Variants in ARHGAP24 observed in about 807,000 individuals in gnomAD.
ARHGAP24 encodes Rho GTPase activating protein 24.
In ARHGAP24, 50 loss-of-function variants were observed where a neutral mutation model predicts 76.4. That is an observed-to-expected ratio of 0.65 (90% CI 0.52 to 0.83). ARHGAP24 has a LOEUF of 0.83. ARHGAP24 is among the 40% of genes least tolerant of loss of function. The pLI is 0.00. For synonymous variants in ARHGAP24, 345 were observed against 323.3 expected (o/e 1.07, Z -0.72); for missense variants, 930 against 914.2 (o/e 1.02, Z -0.22).
intron 1 of ARHGAP24, among the ~76,000 whole-genome samples, chr4:85,526,249 A>T (rs1437577519): frequency 1.3e-5 from 2 of 151,904 alleles, no homozygotes; most frequent in South Asian, 4.1e-4. Flanking sequence ...GTCTCTATAA[A>T]AATTAGCTGG....
chr4:85,710,968 C>G (rs1355589479), intron 2 of ARHGAP24, among the ~76,000 whole-genome samples: 1 of 152,054 alleles, frequency 6.6e-6, no homozygotes, highest in Non-Finnish European at 1.5e-5. Context: ...CATCGAAGCA[C>G]TACTCACAAT....
chr4:85,884,717 T>C (rs1381104735), intron 3 of ARHGAP24, among the ~76,000 whole-genome samples: 1 of 152,184 alleles, frequency 6.6e-6, no homozygotes, highest in African/African-American at 2.4e-5. Flanking sequence ...TTCTAGAAAA[T>C]ATGGAAGGTA....
intron 3 of ARHGAP24, among the ~76,000 whole-genome samples, chr4:85,913,501 T>C (rs1735200296): frequency 6.6e-6 from 1 of 152,078 alleles, no homozygotes; most frequent in Non-Finnish European, 1.5e-5. Context: ...TTCTTCACCA[T>C]AGCTACAGTA....
intron 3 of ARHGAP24, among the ~76,000 whole-genome samples, chr4:85,774,494 AGGCTATCTGCTGTT>A (rs1727237652): frequency 6.6e-6 from 1 of 152,228 alleles, no homozygotes; most frequent in Non-Finnish European, 1.5e-5. Flanking sequence ...AATTAGCTCT[AGGCTATCTGCTGTT>A]TCAATAAGAA....
chr4:85,586,933 A>G (rs1727886897), intron 2 of ARHGAP24, among the ~76,000 whole-genome samples: 2 of 152,276 alleles, frequency 1.3e-5, no homozygotes, highest in South Asian at 4.1e-4. Context: ...AATAAAGTTG[A>G]AAATTGCTTA....
intron 3 of ARHGAP24, among the ~76,000 whole-genome samples, chr4:85,761,811 C>T (rs1247715003): frequency 2.0e-5 from 3 of 152,164 alleles, no homozygotes; most frequent in African/African-American, 7.2e-5. Context: ...CAGGTTACTA[C>T]AAACGCTTTA....
chr4:85,788,503 G>A lies in ARHGAP24; in HGVS notation c.268+66531G>A, dbSNP rs1487463296. On this transcript the variant is annotated intron_variant, in intron 3 of 9. Transcript: ENST00000395184. ...GGGATTTCAAAGCTTGAAATACGAA[G>A]TGTAGGATTTGACCTGGTTAGGTCT... 2.0e-5 allele frequency among the ~76,000 whole-genome samples: 3 copies of A among 152,302 alleles called. No homozygotes were observed. The East Asian group carries it at 5.8e-4, about 29-fold the overall frequency.
At chr4:85,657,992 T>G (rs955591094) in intron 2 of ARHGAP24, among the ~76,000 whole-genome samples, 3 of 152,192 alleles carry the variant, frequency 2.0e-5, no homozygotes, top group African/African-American at 7.2e-5. Context: ...TGGCCTCAAG[T>G]GATCTGCCCC....
chr4:85,672,416 A>C (rs1327182508), intron 2 of ARHGAP24, among the ~76,000 whole-genome samples: 1 of 152,342 alleles, frequency 6.6e-6, no homozygotes, highest in East Asian at 1.9e-4. Context: ...TAAAGCATAG[A>C]ATACACACAG....
intron 3 of ARHGAP24, among the ~76,000 whole-genome samples, chr4:85,726,855 G>A (rs13127274): frequency 0.39 from 59,043 of 151,970 alleles, 12,787 homozygotes; most frequent in East Asian, 0.91. Context: ...GCACAGAGAA[G>A]TAATTTGATC....
chr4:85,741,376 A>AC (rs1725820332), intron 3 of ARHGAP24, among the ~76,000 whole-genome samples: 1 of 152,276 alleles, frequency 6.6e-6, no homozygotes, highest in South Asian at 2.1e-4. Flanking sequence ...GGGTTTTAAA[A>AC]TAAATAAATA....
intron 2 of ARHGAP24, among the ~76,000 whole-genome samples, chr4:85,714,480 ATTAT>A (rs1724661605): frequency 6.6e-6 from 1 of 152,022 alleles, no homozygotes; most frequent in African/African-American, 2.4e-5. Context: ...GAGACATCTG[ATTAT>A]TTGTTTCTAT....
chr4:85,667,821 G>A (rs575719632), intron 2 of ARHGAP24, among the ~76,000 whole-genome samples: 19 of 152,094 alleles, frequency 1.2e-4, no homozygotes, highest in Admixed American at 5.9e-4. Context: ...ATTACCCACC[G>A]ACTTGTCTGA....
rs191600696 is a variant in ARHGAP24 at position 85,776,409 on chromosome 4, C to T, written c.268+54437C>T. Among the ~76,000 whole-genome samples the T allele has an allele frequency of 3.9e-5, 6 of 152,300 alleles. No individual in the cohort carries two copies. In the East Asian group the frequency reaches 9.6e-4, roughly 24 times the overall value. On this transcript the variant is annotated intron_variant, in intron 3 of 9. Transcript: ENST00000395184. ...AATTCAGAGCATTCCCAGAGTAGGG[C>T]AACCTGGAGTGTGTCCCAGGACCCT...
intron 7 of ARHGAP24, chr4:85,975,751 C>A (rs1209837774): frequency 6.6e-6 from 1 of 152,134 alleles, no homozygotes; most frequent in East Asian, 1.9e-4. Flanking sequence ...AAATAAAATT[C>A]AAAGTTTTAA....
intron 5 of ARHGAP24, among the ~76,000 whole-genome samples, chr4:85,956,701 C>A (rs1247823428): frequency 6.6e-6 from 1 of 152,166 alleles, no homozygotes; most frequent in East Asian, 1.9e-4. Context: ...AGAACAATGG[C>A]AAGCCTTTAG....
At chr4:85,874,962 TATAA>T (rs1375996396) in intron 3 of ARHGAP24, among the ~76,000 whole-genome samples, 10 of 121,490 alleles carry the variant, frequency 8.2e-5, no homozygotes, top group African/African-American at 3.3e-4. Context: ...ATAATTTATA[TATAA>T]ATATATTTTT....
chr4:85,570,561 C>T lies in ARHGAP24; in HGVS notation c.20C>T (p.Ser7Phe), dbSNP rs533981205. ...TTGATAATGGAGGAGAACAATGACT[C>T]CACGGAGAACCCCCAACAAGGCCAA... MEENND[S>F]TENPQQGQGR... Residue 7 changes from serine (S) to phenylalanine (F), a missense_variant, in exon 2 of 10, where the codon TCC becomes TTC. Coordinates refer to ENST00000395184, the MANE Select transcript of ARHGAP24 (RefSeq NM_001025616.3). The T allele has an allele frequency of 2.3e-5, 37 of 1,613,916 alleles. 1 individual carries two copies. The highest frequency in any genetic ancestry group is 2.3e-4 in the African/African-American group (17 of 74,956).
intron 2 of ARHGAP24, among the ~76,000 whole-genome samples, chr4:85,686,082 G>A (rs1159550377): frequency 1.3e-5 from 2 of 152,202 alleles, no homozygotes; most frequent in East Asian, 3.9e-4. Flanking sequence ...AGGATAGTTG[G>A]TAGTTTTCCC....
Sources: gnomAD v4.1 joint callset for allele counts (sites outside exome capture counted in the v4.1 genomes callset) on GRCh38, gnomAD v4.1.1 for gene constraint, MANE v1.5 for transcripts, NCBI Gene and HGNC (gene_info 2026-07-23, HGNC 2026-07-21) for gene names.